Variants in EPB41L1 observed in about 807,000 individuals in gnomAD.
The protein encoded by EPB41L1 is erythrocyte membrane protein band 4.1 like 1.
Under a neutral mutation model 97.8 loss-of-function variants are expected in EPB41L1, and 29 were observed. The observed-to-expected ratio is 0.30, with a 90% CI of 0.22 to 0.40. The LOEUF (loss-of-function observed/expected upper bound fraction) is 0.40. Among genes scored for constraint, EPB41L1 ranks in the 10% least tolerant of loss-of-function variants. EPB41L1 has a pLI of 1.00. For synonymous variants in EPB41L1, 383 were observed against 459.2 expected, an observed-to-expected ratio of 0.83 and a Z score of 2.12; for missense variants, 812 against 1,162.3, an observed-to-expected ratio of 0.70 and a Z score of 4.38.
rs2057679350 is a variant in EPB41L1 at position 36,092,160 on chromosome 20, G to A, written c.-65+548G>A. Among the ~76,000 whole-genome samples the A allele has an allele frequency of 6.6e-6, 1 of 152,218 alleles. No homozygotes were observed. The highest frequency in any genetic ancestry group is 2.1e-4 in the South Asian group (1 of 4,832). Reference sequence around the variant, plus strand: ...ATGGGAGCGCGGCGTGGAAAAGGGTGGGCGTGGGCCAGGTCCTGGCTGGAG... The same window carrying A: ...ATGGGAGCGCGGCGTGGAAAAGGGTAGGCGTGGGCCAGGTCCTGGCTGGAG... On this transcript the variant is annotated intron_variant, in intron 1 of 19. Coordinates refer to the EPB41L1 transcript ENST00000202028. The surrounding 1 kb of genome is among the most constrained non-coding windows in gnomAD (Gnocchi z 7.0).
chr20:36,122,060 T>C (rs1450290652), intron 2 of EPB41L1, among the ~76,000 whole-genome samples: 1 of 152,208 alleles, frequency 6.6e-6, no homozygotes, highest in Non-Finnish European at 1.5e-5. Flanking sequence ...CAGCTGTTCC[T>C]GGGCCTTGCT....
At chr20:36,198,925 A>T (rs2062350122) in intron 14 of EPB41L1, among the ~76,000 whole-genome samples, 2 of 152,124 alleles carry the variant, frequency 1.3e-5, no homozygotes, top group Admixed American at 1.3e-4. Context: ...AAAAGCACCT[A>T]CTTCATGGGG....
chr20:36,206,910 C>T lies in EPB41L1; in HGVS notation c.1669-2578C>T, dbSNP rs1361234438. The stretch of plus-strand genomic sequence containing the variant: ...ACAGAGGACAGGGCGTGCATCCCGA[C>T]CCCCAGGCCTGCGCCCTTCCTCGGG... On this transcript the variant is annotated intron_variant, in intron 14 of 21. Transcript: ENST00000338074. This position sits in a 1 kb window ranked among gnomAD's most constrained non-coding sequence, Gnocchi z 5.5. 10 of 1,289,822 alleles carry T rather than the reference C, an allele frequency of 7.8e-6. No homozygotes were observed. In the East Asian group the frequency reaches 5.5e-4, roughly 72 times the overall value. 79.9% of individuals were successfully genotyped at this position (1,289,822 alleles called of 1,614,324 possible). A position where few individuals can be genotyped will look rare whatever the true frequency, so the allele number is the denominator to read the frequency against.
At chr20:36,160,194 G>A (rs1462896464) in intron 1 of EPB41L1, among the ~76,000 whole-genome samples, 1 of 152,120 alleles carries the variant, frequency 6.6e-6, no homozygotes, top group African/African-American at 2.4e-5. Flanking sequence ...CAAGCATATG[G>A]GAAGTGAATA....
chr20:36,153,914 A>G (rs2060161850), upstream of EPB41L1, among the ~76,000 whole-genome samples: 1 of 152,170 alleles, frequency 6.6e-6, no homozygotes, highest in African/African-American at 2.4e-5. Context: ...TTGAGCCATG[A>G]TCTCTGCCAC....
At chr20:36,094,024 C>G (rs2057753080) in intron 1 of EPB41L1, among the ~76,000 whole-genome samples, 1 of 152,198 alleles carries the variant, frequency 6.6e-6, no homozygotes. Flanking sequence ...GACCTCTCTA[C>G]TTTGAAAGAG....
chr20:36,194,289 G>A lies in EPB41L1; in HGVS notation c.1378G>A (p.Glu460Lys), dbSNP rs1334950944. The A allele has an allele frequency of 6.2e-7, 1 of 1,614,184 alleles. No homozygotes were observed. Among genetic ancestry groups the A allele is most frequent in the African/African-American group, 1.3e-5 (1 of 75,058 alleles). The change falls in exon 12 of 22, where the codon GAG becomes AAG. Residue 460 changes from glutamate (E) to lysine (K), a missense_variant. By Grantham distance (56) the Glu-to-Lys change is moderately conservative. Coordinates refer to ENST00000338074, the MANE Select transcript of EPB41L1 (RefSeq NM_012156.2). ...CGGTGACAAGCGGGATGAGGATGGC[G>A]AGTCTGGGGGGCAACGGTCAGAGGC... is the stretch of plus-strand genomic sequence containing the variant. Reference protein sequence around the residue: ...PDGDKRDEDGESGGQRSEAEE... With the variant: ...PDGDKRDEDGKSGGQRSEAEE...
At chr20:36,224,954 T>C (rs1042425479) in intron 21 of EPB41L1, among the ~76,000 whole-genome samples, 5 of 152,166 alleles carry the variant, frequency 3.3e-5, no homozygotes, top group African/African-American at 1.2e-4. Flanking sequence ...CCCAAGTAGC[T>C]GAGACTACAG....
At chr20:36,171,336 G>A (rs1026457961) in intron 1 of EPB41L1, among the ~76,000 whole-genome samples, 1 of 152,060 alleles carries the variant, frequency 6.6e-6, no homozygotes, top group African/African-American at 2.4e-5. Flanking sequence ...ATCCTGGCCT[G>A]GAGTCAGCAC....
intron 17 of EPB41L1, among the ~76,000 whole-genome samples, chr20:36,215,401 G>A (rs922082399): frequency 7.9e-5 from 12 of 152,128 alleles, no homozygotes; most frequent in African/African-American, 2.9e-4. Context: ...GCCACTACTC[G>A]GGCTAGGGAA....
chr20:36,217,949 C>G (rs936933441), intron 17 of EPB41L1, among the ~76,000 whole-genome samples: 1 of 152,188 alleles, frequency 6.6e-6, no homozygotes. Context: ...CCTGGACAGA[C>G]AAGGCTGAGC....
At chr20:36,222,069 C>A in intron 20 of EPB41L1, 125 bp downstream of exon 20, 2 of 1,136,952 alleles carry the variant, frequency 1.8e-6, no homozygotes, top group Non-Finnish European at 2.7e-6. Context: ...TGACCCTGTT[C>A]AGATAAGAAA....
intron 14 of EPB41L1, among the ~76,000 whole-genome samples, chr20:36,208,947 G>A (rs1210774992): frequency 6.6e-6 from 1 of 152,096 alleles, no homozygotes; most frequent in African/African-American, 2.4e-5. Flanking sequence ...CTCTCTAGTC[G>A]ATGCTGACCC....
At chr20:36,189,241 G>A (rs1048576986) in intron 9 of EPB41L1, among the ~76,000 whole-genome samples, 3 of 152,096 alleles carry the variant, frequency 2.0e-5, no homozygotes, top group African/African-American at 4.8e-5. Flanking sequence ...CGCCTCTGGT[G>A]CTCTCCAGGT....
intron 2 of EPB41L1, among the ~76,000 whole-genome samples, chr20:36,134,254 T>C (rs921103183): frequency 2.6e-5 from 4 of 152,080 alleles, no homozygotes; most frequent in Non-Finnish European, 5.9e-5. Context: ...CAACAAGAAA[T>C]AGCGATGGTG....
intron 2 of EPB41L1, among the ~76,000 whole-genome samples, chr20:36,133,998 C>A (rs2059322308): frequency 6.6e-6 from 1 of 152,188 alleles, no homozygotes. Context: ...GCTGAACCAG[C>A]AGTTGATAAA....
intron 14 of EPB41L1, chr20:36,201,052 T>C (rs560086208): frequency 2.3e-6 from 1 of 442,884 alleles, no homozygotes; most frequent in Admixed American, 2.4e-5. Flanking sequence ...AAGAAAACCC[T>C]TTCTCTGGGG....
intron 2 of EPB41L1, among the ~76,000 whole-genome samples, chr20:36,131,627 G>T (rs1380130561): frequency 1.3e-5 from 2 of 152,122 alleles, no homozygotes; most frequent in East Asian, 3.9e-4. Context: ...TACCTCACAG[G>T]GTCCCTGTGA....
intron 2 of EPB41L1, among the ~76,000 whole-genome samples, chr20:36,149,375 T>C (rs2059957824): frequency 6.6e-6 from 1 of 152,190 alleles, no homozygotes; most frequent in Non-Finnish European, 1.5e-5. Flanking sequence ...CATTCCACAC[T>C]AGAATAAGGC....
Sources: allele counts gnomAD v4.1 joint callset (sites outside exome capture counted in the v4.1 genomes callset), GRCh38; gene constraint gnomAD v4.1.1; non-coding constraint Gnocchi (gnomAD v3.1); transcripts MANE v1.5; gene names NCBI Gene and HGNC (gene_info 2026-07-23, HGNC 2026-07-21).